The following SLC6A2 variants were observed in gnomAD, a reference collection of about 807,000 sequenced individuals.
SLC6A2 encodes sodium-dependent noradrenaline transporter.
SLC6A2 carries 26 observed loss-of-function variants against 71.7 expected under a neutral mutation model. The ratio of observed to expected loss-of-function variants is 0.36; its 90% confidence interval spans 0.27 to 0.50. The LOEUF (loss-of-function observed/expected upper bound fraction) is 0.50, where lower values mean the gene tolerates loss of function less well. Ranked by LOEUF, SLC6A2 falls within the 20% of genes least tolerant of loss-of-function variation. SLC6A2 has a pLI of 0.96. For synonymous variants in SLC6A2, 363 were observed against 337.9 expected (o/e 1.07, Z -0.82); for missense variants, 581 against 803.9 (o/e 0.72, Z 3.35).
At chr16:55,663,719 A>T (rs918557136) in intron 2 of SLC6A2, among the ~76,000 whole-genome samples, 1 of 152,114 alleles carries the variant, frequency 6.6e-6, no homozygotes, top group African/African-American at 2.4e-5. Flanking sequence ...TTGTTGTAAC[A>T]TTGGGGCACG....
At position 55,672,162 on chromosome 16, in the gene SLC6A2, G is replaced by A. The variant is rs188235131; in HGVS notation, c.631G>A (p.Ala211Thr). 104 of 1,614,208 alleles carry A rather than the reference G, an allele frequency of 6.4e-5. 1 individual carries two copies. In the Admixed American group the frequency reaches 1.5e-3, roughly 24 times the overall value. The change falls in exon 4 of 15, where the codon GCC becomes ACC. Residue 211 changes from alanine (A) to threonine (T), a missense_variant. By Grantham distance (58) the Ala-to-Thr change is moderately conservative. Transcript: ENST00000568943. ...KYSKYKFTPA[A>T]EFYERGVLHL... ...CTCCAAGTACAAGTTCACGCCGGCAGCCGAGTTTTATGAGTAAGTCACAGA... is the reference window on the plus strand; with the variant it reads ...CTCCAAGTACAAGTTCACGCCGGCAACCGAGTTTTATGAGTAAGTCACAGA...
Position 55,689,031 on chromosome 16 carries a change from G to A in SLC6A2, c.784-2887G>A, listed in dbSNP as rs1268418536. 2.0e-5 allele frequency among the ~76,000 whole-genome samples: 3 copies of A among 152,162 alleles called. No homozygotes were observed. The East Asian group carries it at 5.8e-4, about 29-fold the overall frequency. On this transcript the variant is annotated intron_variant, in intron 5 of 14. Transcript: ENST00000568943. ...TAAGGACATTTGCCAAGACCAATGGGCTGCTCATTGCTTTCTTGATGTTGT... is the reference window on the plus strand; with the variant it reads ...TAAGGACATTTGCCAAGACCAATGGACTGCTCATTGCTTTCTTGATGTTGT...
chr16:55,702,329 CA>C lies in SLC6A2; in HGVS notation c.1838del (p.His613ProfsTer54). On this transcript the variant is annotated frameshift_variant, in exon 15 of 15. Transcript: ENST00000568943. LOFTEE classifies it high-confidence loss of function. Reference sequence around the variant, plus strand: ...TCGCTGTCTTTCTCTGCAGTTGCAACACTGGCTGGCCATCTGAGCCTGCCTG... The same window carrying C: ...TCGCTGTCTTTCTCTGCAGTTGCAACCTGGCTGGCCATCTGAGCCTGCCTG... The part of the protein sequence containing the change: ...QRDIRQFQLQ[H>X]WLAI 1 of 1,614,216 alleles carries C rather than the reference CA, an allele frequency of 6.2e-7. No homozygotes were observed. Among genetic ancestry groups the C allele is most frequent in the Non-Finnish European group, 8.5e-7 (1 of 1,180,028 alleles).
At chr16:55,669,529 G>A (rs1964846447) in intron 2 of SLC6A2, 36 bp from the exon 3 acceptor site, 3 of 1,612,084 alleles carry the variant, frequency 1.9e-6, no homozygotes, top group African/African-American at 2.7e-5. Flanking sequence ...AGGGGCAGGG[G>A]TCTGTCAGGT....
Position 55,700,114 on chromosome 16 carries a change from C to T in SLC6A2, c.1591-25C>T, listed in dbSNP as rs753591588. ...TCTCTCTTCTGTCCTGTCTTCCTTT[C>T]TCTCCCTTCTCTGCCCATCTCTAGT... On this transcript the variant is annotated intron_variant, in intron 12 of 14. Coordinates refer to ENST00000568943, the MANE Select transcript of SLC6A2 (RefSeq NM_001172501.3). 12 of 1,607,968 alleles carry T rather than the reference C, an allele frequency of 7.5e-6. No homozygotes were observed. The African/African-American group carries it at 1.6e-4, about 22-fold the overall frequency.
chr16:55,679,957 G>A (rs914284956), intron 4 of SLC6A2, among the ~76,000 whole-genome samples: 20 of 152,326 alleles, frequency 1.3e-4, no homozygotes, highest in African/African-American at 4.6e-4. Flanking sequence ...TATCTGTGAT[G>A]TTTAGCAGCT....
At chr16:55,702,242 C>T in intron 14 of SLC6A2, 81 bp from the exon 15 acceptor site, 1 of 1,371,204 alleles carries the variant, frequency 7.3e-7, no homozygotes. Context: ...CTTCTCTCTA[C>T]CTCCTGCTGC....
At chr16:55,701,283 C>G (rs1965964042) in intron 13 of SLC6A2, among the ~76,000 whole-genome samples, 1 of 152,148 alleles carries the variant, frequency 6.6e-6, no homozygotes, top group Non-Finnish European at 1.5e-5. Flanking sequence ...AAGTCTGGTT[C>G]CGGGTCACTG....
At position 55,703,385 on chromosome 16, in the gene SLC6A2, C is replaced by A; in HGVS notation, c.*1039C>A. The stretch of plus-strand genomic sequence containing the variant: ...TCTGGGGATCCCACCTGGAGTGGAC[C>A]AGGGGTCTTGAGAAATGGAGAGTTG... On this transcript the variant is annotated 3_prime_UTR_variant, in exon 15 of 15. Coordinates refer to ENST00000568943, the MANE Select transcript of SLC6A2 (RefSeq NM_001172501.3). 3 of 985,348 alleles carry A rather than the reference C, an allele frequency of 3.0e-6. No individual in the cohort carries two copies. The highest frequency in any genetic ancestry group is 3.6e-6 in the Non-Finnish European group (3 of 829,924). 61.0% of individuals were successfully genotyped at this position (985,348 alleles called of 1,614,324 possible).
intron 4 of SLC6A2, among the ~76,000 whole-genome samples, chr16:55,677,474 C>CGGCCCCAGCAGA (rs1168271748): frequency 5.3e-5 from 8 of 152,112 alleles, no homozygotes; most frequent in Admixed American, 5.2e-4. Flanking sequence ...GCTAGTATGT[C>CGGCCCCAGCAGA]GGCCCCAGCA....
At chr16:55,691,376 A>T (rs1186573933) in intron 5 of SLC6A2, among the ~76,000 whole-genome samples, 1 of 152,078 alleles carries the variant, frequency 6.6e-6, no homozygotes, top group African/African-American at 2.4e-5. Flanking sequence ...GAAAGGGGAG[A>T]GCACAAAGGT....
intron 2 of SLC6A2, among the ~76,000 whole-genome samples, chr16:55,667,193 G>A (rs1964776961): frequency 6.6e-6 from 1 of 152,066 alleles, no homozygotes; most frequent in Non-Finnish European, 1.5e-5. Flanking sequence ...CACTGTGCCT[G>A]GCCCTATTAA....
chr16:55,683,141 G>C (rs1490894013), intron 4 of SLC6A2, among the ~76,000 whole-genome samples: 1 of 152,162 alleles, frequency 6.6e-6, no homozygotes, highest in South Asian at 2.1e-4. Context: ...GGGACTTGCT[G>C]TACTGTTTCA....
chr16:55,680,353 T>C (rs991709112), intron 4 of SLC6A2, among the ~76,000 whole-genome samples: 2 of 151,836 alleles, frequency 1.3e-5, no homozygotes, highest in Non-Finnish European at 2.9e-5. Flanking sequence ...TATTAAGGAG[T>C]ATCGACTCAC....
At chr16:55,691,054 C>T (rs1386681501) in intron 5 of SLC6A2, among the ~76,000 whole-genome samples, 1 of 152,016 alleles carries the variant, frequency 6.6e-6, no homozygotes, top group African/African-American at 2.4e-5. Flanking sequence ...TGCCCAGCCA[C>T]ATCCCTTCCT....
chr16:55,663,558 A>C (rs1405279015), intron 2 of SLC6A2, among the ~76,000 whole-genome samples: 3 of 152,226 alleles, frequency 2.0e-5, no homozygotes, highest in African/African-American at 7.2e-5. Flanking sequence ...AATGCTAAAC[A>C]GACCAAGGCA....
At position 55,685,239 on chromosome 16, in the gene SLC6A2, C is replaced by A. The variant is rs751764729; in HGVS notation, c.741C>A (p.Val247=). Residue 247 remains valine, a synonymous_variant, in exon 5 of 15, where the codon GTC becomes GTA. Coordinates refer to ENST00000568943, the MANE Select transcript of SLC6A2 (RefSeq NM_001172501.3). ...TCTGTCTGATGGTCGTCGTCATCGT[C>A]TTGTATTTTAGCCTCTGGAAAGGGG... The part of the protein sequence containing the change: ...LLLCLMVVVI[V]LYFSLWKGVK... 1 of 1,614,146 alleles carries A rather than the reference C, an allele frequency of 6.2e-7. No homozygotes were observed. Among genetic ancestry groups the A allele is most frequent in the Non-Finnish European group, 8.5e-7 (1 of 1,179,974 alleles).
intron 4 of SLC6A2, among the ~76,000 whole-genome samples, chr16:55,673,123 T>A (rs1318019019): frequency 6.6e-6 from 1 of 152,270 alleles, no homozygotes; most frequent in Non-Finnish European, 1.5e-5. Flanking sequence ...TTCCTTGATT[T>A]TCATGACCTT....
intron 4 of SLC6A2, 92 bp downstream of exon 4, chr16:55,672,267 C>T (rs1964946547): frequency 2.5e-6 from 4 of 1,607,072 alleles, no homozygotes; most frequent in Non-Finnish European, 2.5e-6. Flanking sequence ...ACCAAGGAGA[C>T]GCATGCCGTC....
Sources: allele counts gnomAD v4.1 joint callset (sites outside exome capture counted in the v4.1 genomes callset), GRCh38; gene constraint gnomAD v4.1.1; transcripts MANE v1.5; gene names NCBI Gene and HGNC (gene_info 2026-07-23, HGNC 2026-07-21).